The following ATRNL1 variants were observed in gnomAD, a reference collection of about 807,000 sequenced individuals.
ATRNL1 encodes attractin-like protein 1.
A neutral mutation model predicts 182.7 loss-of-function variants in ATRNL1; 95 were observed. The observed-to-expected ratio is 0.52, with a 90% CI of 0.44 to 0.62. The LOEUF is 0.62. ATRNL1 is among the 20% of genes least tolerant of loss of function. ATRNL1 has a pLI of 0.00. For missense variants in ATRNL1, 1,471 were observed against 1,679.5 expected (o/e 0.88, Z 2.17); for synonymous variants, 576 against 568.3 (o/e 1.01, Z -0.19).
chr10:115,757,123 CTG>C (rs1455458014), intron 27 of ATRNL1, among the ~76,000 whole-genome samples: 1 of 152,122 alleles, frequency 6.6e-6, no homozygotes, highest in Non-Finnish European at 1.5e-5. Flanking sequence ...ATTTGCCAGT[CTG>C]TGTCTTTTAA....
At chr10:115,152,966 T>G (rs1231416643) in intron 5 of ATRNL1, among the ~76,000 whole-genome samples, 1 of 152,162 alleles carries the variant, frequency 6.6e-6, no homozygotes, top group African/African-American at 2.4e-5. Flanking sequence ...CTGCATCTAT[T>G]GAGATAATCA....
chr10:115,785,751 A>T (rs1949381128), intron 27 of ATRNL1, among the ~76,000 whole-genome samples: 1 of 152,200 alleles, frequency 6.6e-6, no homozygotes, highest in Non-Finnish European at 1.5e-5. Context: ...TTTGCTTAAC[A>T]GTTTTTGCCT....
At chr10:115,369,829 A>G (rs141402093) in intron 19 of ATRNL1, among the ~76,000 whole-genome samples, 3 of 152,296 alleles carry the variant, frequency 2.0e-5, no homozygotes, top group Non-Finnish European at 2.9e-5. Flanking sequence ...ATGATAAATG[A>G]TGTGGAATAT....
intron 15 of ATRNL1, among the ~76,000 whole-genome samples, chr10:115,291,779 G>A (rs77097699): frequency 7.4e-6 from 1 of 135,740 alleles, no homozygotes; most frequent in Non-Finnish European, 1.6e-5. Flanking sequence ...GAGCATTGTT[G>A]CATATGTTCA....
chr10:115,471,302 A>G (rs1230119799), intron 24 of ATRNL1, among the ~76,000 whole-genome samples: 1 of 150,952 alleles, frequency 6.6e-6, no homozygotes, highest in Non-Finnish European at 1.5e-5. Context: ...CGTTGTAAAG[A>G]ATGTGAGAGT....
intron 28 of ATRNL1, among the ~76,000 whole-genome samples, chr10:115,885,381 C>T (rs1441172824): frequency 2.0e-5 from 3 of 152,106 alleles, no homozygotes; most frequent in African/African-American, 4.8e-5. Flanking sequence ...GGATGAGCGG[C>T]GCCAAGCAAG....
intron 26 of ATRNL1, among the ~76,000 whole-genome samples, chr10:115,591,781 C>G (rs1307354787): frequency 8.5e-5 from 13 of 152,170 alleles, no homozygotes; most frequent in Non-Finnish European, 1.6e-4. Flanking sequence ...AAAGAACTTA[C>G]AACTACCATT....
At chr10:115,863,590 G>C (rs1565445019) in intron 28 of ATRNL1, among the ~76,000 whole-genome samples, 1 of 152,230 alleles carries the variant, frequency 6.6e-6, no homozygotes, top group South Asian at 2.1e-4. Context: ...GTTGGAATTA[G>C]AGGGATCAGT....
At chr10:115,458,763 A>T (rs1565066061) in intron 21 of ATRNL1, among the ~76,000 whole-genome samples, 1 of 152,150 alleles carries the variant, frequency 6.6e-6, no homozygotes, top group Non-Finnish European at 1.5e-5. Flanking sequence ...GCTTAGTTGC[A>T]GTCTTGAAAA....
chr10:115,480,207 A>AACACACACACACACACACACACAC (rs72119794), intron 24 of ATRNL1, among the ~76,000 whole-genome samples: 8 of 146,638 alleles, frequency 5.5e-5, no homozygotes, highest in African/African-American at 2.0e-4. Flanking sequence ...GAGTCATTTG[A>AACACACACACACACACACACACAC]ACACACACAC....
At chr10:115,560,156 C>T (rs1159613929) in intron 26 of ATRNL1, among the ~76,000 whole-genome samples, 1 of 152,040 alleles carries the variant, frequency 6.6e-6, no homozygotes, top group African/African-American at 2.4e-5. Flanking sequence ...GAATAAAATA[C>T]ACAGGAACAA....
At chr10:115,929,893 TA>T (rs760354971) in intron 28 of ATRNL1, among the ~76,000 whole-genome samples, 14 of 152,162 alleles carry the variant, frequency 9.2e-5, no homozygotes, top group Non-Finnish European at 1.9e-4. Flanking sequence ...CCTTACTTTT[TA>T]AATACTAATC....
chr10:115,486,806 T>C (rs1357561092), intron 24 of ATRNL1, among the ~76,000 whole-genome samples: 1 of 152,170 alleles, frequency 6.6e-6, no homozygotes, highest in Admixed American at 6.5e-5. Flanking sequence ...GTCATGAGTC[T>C]TTGCCCATGC....
At chr10:115,775,482 A>G (rs1565368270) in intron 27 of ATRNL1, among the ~76,000 whole-genome samples, 1 of 152,346 alleles carries the variant, frequency 6.6e-6, no homozygotes, top group East Asian at 1.9e-4. Flanking sequence ...TAAACCTTCC[A>G]GTTATTACCC....
At chr10:115,709,104 G>T (rs782266606) in intron 26 of ATRNL1, among the ~76,000 whole-genome samples, 1 of 151,746 alleles carries the variant, frequency 6.6e-6, no homozygotes, top group Non-Finnish European at 1.5e-5. Context: ...CTGGTTAAAA[G>T]GTAGCAGAGA....
chr10:115,306,387 A>T (rs1463574630), intron 17 of ATRNL1, among the ~76,000 whole-genome samples: 1 of 152,080 alleles, frequency 6.6e-6, no homozygotes, highest in Non-Finnish European at 1.5e-5. Context: ...TCTAATTTTC[A>T]TTCCTTTGTG....
rs1592085757 is a variant in ATRNL1 at position 115,093,734 on chromosome 10, C to T, written c.-17C>T. On this transcript the variant is annotated 5_prime_UTR_variant, in exon 1 of 29. Transcript: ENST00000355044. The surrounding 1 kb of genome is among the most constrained non-coding windows in gnomAD (Gnocchi z 6.1). ...CGCCCGCGAGCGCAGTCTCGCCGGG[C>T]AGGGGCGCCGGGGAAGATGGAGACT... 3.5e-6 allele frequency: 5 copies of T among 1,414,092 alleles called. No individual in the cohort carries two copies. The highest frequency in any genetic ancestry group is 4.6e-6 in the Non-Finnish European group (5 of 1,091,492). 87.6% of individuals were successfully genotyped at this position (1,414,092 alleles called of 1,614,324 possible).
At chr10:115,707,622 T>C (rs868962091) in intron 26 of ATRNL1, among the ~76,000 whole-genome samples, 4 of 151,868 alleles carry the variant, frequency 2.6e-5, no homozygotes, top group South Asian at 2.1e-4. Context: ...TACACATTAA[T>C]TTATTCTGAT....
chr10:115,444,041 A>G (rs1554966189), intron 21 of ATRNL1, among the ~76,000 whole-genome samples: 3 of 152,184 alleles, frequency 2.0e-5, no homozygotes, highest in Non-Finnish European at 4.4e-5. Context: ...CAGAAAGAAT[A>G]TCAAAGATCT....
Sources: allele counts gnomAD v4.1 joint callset (sites outside exome capture counted in the v4.1 genomes callset), GRCh38; gene constraint gnomAD v4.1.1; non-coding constraint Gnocchi (gnomAD v3.1); transcripts MANE v1.5; gene names NCBI Gene and HGNC (gene_info 2026-07-23, HGNC 2026-07-21).